The following PAPSS1 variants were observed in gnomAD, a reference collection of about 807,000 sequenced individuals.
The protein encoded by PAPSS1 is 3'-phosphoadenosine 5'-phosphosulfate synthase 1, also known as bifunctional 3'-phosphoadenosine 5'-phosphosulfate synthase 1.
In PAPSS1, 50 loss-of-function variants were observed where a neutral mutation model predicts 72.0. The ratio of observed to expected loss-of-function variants is 0.69; its 90% confidence interval spans 0.55 to 0.88. The LOEUF is 0.88. Among genes scored for constraint, PAPSS1 ranks in the 40% least tolerant of loss-of-function variants. PAPSS1 has a pLI of 0.00. For missense variants in PAPSS1, 657 were observed against 782.2 expected, an observed-to-expected ratio of 0.84 and a Z score of 1.91; for synonymous variants, 261 against 263.6, an observed-to-expected ratio of 0.99 and a Z score of 0.09.
intron 11 of PAPSS1, among the ~76,000 whole-genome samples, chr4:107,629,893 A>G (rs938313194): frequency 6.6e-6 from 1 of 152,184 alleles, no homozygotes; most frequent in Non-Finnish European, 1.5e-5. Context: ...CCTCTCCACC[A>G]TGGCAATGCT....
chr4:107,694,072 T>A (rs1378073130), intron 2 of PAPSS1, 66 bp from the exon 3 acceptor site: 3 of 959,178 alleles, frequency 3.1e-6, no homozygotes, highest in African/African-American at 7.3e-5. Context: ...TAGTAATACT[T>A]TTTTTTTCCC....
intron 11 of PAPSS1, among the ~76,000 whole-genome samples, chr4:107,620,008 C>A (rs1040167541): frequency 6.6e-6 from 1 of 152,194 alleles, no homozygotes; most frequent in Non-Finnish European, 1.5e-5. Flanking sequence ...GATTTTAAAT[C>A]TTTACAACCA....
chr4:107,639,080 A>G (rs561244125), intron 10 of PAPSS1, among the ~76,000 whole-genome samples: 2 of 152,332 alleles, frequency 1.3e-5, no homozygotes, highest in Non-Finnish European at 1.5e-5. Flanking sequence ...AAACCTGAAA[A>G]ATCAGACTAA....
In PAPSS1 at chr4:107,623,306, T is replaced by C. The variant is rs113649248; in HGVS notation, c.1736+8325A>G. 7.8e-4 allele frequency among the ~76,000 whole-genome samples: 119 copies of C among 152,330 alleles called. 1 individual carries two copies. The highest frequency in any genetic ancestry group is 2.4e-3 in the Admixed American group (37 of 15,298). ...CATTTTTTTTCTTGCTTATGGTGCTTTGTTGCCTTGTATCCTTTGTCATTT... is the reference window on the plus strand; with the variant it reads ...CATTTTTTTTCTTGCTTATGGTGCTCTGTTGCCTTGTATCCTTTGTCATTT... On this transcript the variant is annotated intron_variant, in intron 11 of 11. Coordinates refer to ENST00000265174, the MANE Select transcript of PAPSS1 (RefSeq NM_005443.5).
chr4:107,705,749 G>A (rs1358365231), intron 1 of PAPSS1, among the ~76,000 whole-genome samples: 2 of 152,140 alleles, frequency 1.3e-5, no homozygotes, highest in Admixed American at 6.5e-5. Context: ...GAACTTGACC[G>A]TGGACTTACT....
chr4:107,660,969 T>C (rs142918623), intron 5 of PAPSS1, among the ~76,000 whole-genome samples: 2 of 152,242 alleles, frequency 1.3e-5, no homozygotes, highest in Admixed American at 1.3e-4. Context: ...TTTAGATAAA[T>C]GTTATCCAAA....
chr4:107,711,354 C>T (rs551555700), intron 1 of PAPSS1, among the ~76,000 whole-genome samples: 8 of 152,334 alleles, frequency 5.3e-5, no homozygotes, highest in African/African-American at 1.9e-4. Flanking sequence ...TCATCAATGA[C>T]ACAAGTGGCC....
chr4:107,621,838 C>A (rs964230308), intron 11 of PAPSS1, among the ~76,000 whole-genome samples: 7 of 151,564 alleles, frequency 4.6e-5, no homozygotes, highest in African/African-American at 1.5e-4. Context: ...CCGTGTTAGC[C>A]AGGATGGTCT....
intron 1 of PAPSS1, among the ~76,000 whole-genome samples, chr4:107,702,220 A>G (rs1230082695): frequency 2.0e-5 from 3 of 152,202 alleles, no homozygotes; most frequent in Non-Finnish European, 4.4e-5. Flanking sequence ...GAATCCTCAT[A>G]TATTTGTTGT....
At chr4:107,686,087 A>G (rs890281450) in intron 4 of PAPSS1, among the ~76,000 whole-genome samples, 6 of 152,254 alleles carry the variant, frequency 3.9e-5, no homozygotes, top group Admixed American at 3.9e-4. Context: ...CAAGATAAAT[A>G]GTATGATTAA....
chr4:107,691,176 G>A (rs553392350), intron 3 of PAPSS1, among the ~76,000 whole-genome samples: 1 of 148,638 alleles, frequency 6.7e-6, no homozygotes, highest in East Asian at 2.0e-4. Flanking sequence ...GTCAAATCTT[G>A]TTTAAAAAAA....
In PAPSS1 at chr4:107,644,949, A is replaced by G. The variant is rs781296343; in HGVS notation, c.1359T>C (p.Pro453=). ...GYRRPVLLLH[P]LGGWTKDDDV... The stretch of plus-strand genomic sequence containing the variant: ...CGTCATCCTTTGTCCAGCCACCCAG[A>G]GGGTGGAGGAGGAGGACAGGGCGCC... Residue 453 remains proline, a synonymous_variant, in exon 10 of 12, where the codon CCT becomes CCC. Coordinates refer to ENST00000265174, the MANE Select transcript of PAPSS1 (RefSeq NM_005443.5). 2.9e-4 allele frequency: 463 copies of G among 1,613,784 alleles called. 1 individual carries two copies. The highest frequency in any genetic ancestry group is 3.6e-4 in the Non-Finnish European group (423 of 1,179,838).
At chr4:107,638,672 T>TA (rs139303279) in intron 10 of PAPSS1, among the ~76,000 whole-genome samples, 5,320 of 152,030 alleles carry the variant, frequency 0.035, 285 homozygotes, top group African/African-American at 0.12. Context: ...ATTATTATTC[T>TA]AAGAAAACAG....
chr4:107,649,694 T>C (rs888297669), intron 9 of PAPSS1, among the ~76,000 whole-genome samples: 3 of 152,230 alleles, frequency 2.0e-5, no homozygotes, highest in African/African-American at 7.2e-5. Flanking sequence ...AACATTCTTC[T>C]GATGTCTCCA....
At chr4:107,625,498 A>T (rs1397895702) in intron 11 of PAPSS1, among the ~76,000 whole-genome samples, 1 of 152,186 alleles carries the variant, frequency 6.6e-6, no homozygotes, top group African/African-American at 2.4e-5. Flanking sequence ...ATGCTCAGCC[A>T]ATAGCCAGTA....
intron 1 of PAPSS1, among the ~76,000 whole-genome samples, chr4:107,705,845 G>A (rs1158220244): frequency 6.6e-6 from 1 of 152,168 alleles, no homozygotes; most frequent in Non-Finnish European, 1.5e-5. Flanking sequence ...TTTCTTTTAA[G>A]ACATGTCTGG....
chr4:107,705,693 C>A (rs532439536), intron 1 of PAPSS1, among the ~76,000 whole-genome samples: 11 of 152,300 alleles, frequency 7.2e-5, no homozygotes, highest in African/African-American at 2.4e-4. Context: ...AACATTCATA[C>A]CGGAGATATA....
At chr4:107,697,506 C>A (rs1330730055) in intron 2 of PAPSS1, among the ~76,000 whole-genome samples, 1 of 152,134 alleles carries the variant, frequency 6.6e-6, no homozygotes, top group Non-Finnish European at 1.5e-5. Context: ...AACTTTTACA[C>A]AACAAAAACA....
intron 3 of PAPSS1, among the ~76,000 whole-genome samples, chr4:107,687,768 T>C (rs565686370): frequency 1.3e-5 from 2 of 152,292 alleles, no homozygotes; most frequent in South Asian, 2.1e-4. Flanking sequence ...TTTTCTTCTT[T>C]CTGGTCTTCA....
Sources: gnomAD v4.1 joint callset for allele counts (sites outside exome capture counted in the v4.1 genomes callset) on GRCh38, gnomAD v4.1.1 for gene constraint, MANE v1.5 for transcripts, NCBI Gene and HGNC (gene_info 2026-07-23, HGNC 2026-07-21) for gene names.